The following RRAGB variants were observed in gnomAD, a reference collection of about 807,000 sequenced individuals.
The protein encoded by RRAGB is Ras related GTP binding B.
A neutral mutation model predicts 29.3 loss-of-function variants in RRAGB; 6 were observed. The observed-to-expected ratio is 0.21, with a 90% CI of 0.11 to 0.40. The LOEUF (loss-of-function observed/expected upper bound fraction) is 0.40, where lower values mean the gene tolerates loss of function less well. RRAGB is among the 10% of genes least tolerant of loss of function. RRAGB has a pLI of 1.00. For missense variants in RRAGB, 184 were observed against 272.9 expected, an observed-to-expected ratio of 0.67 and a Z score of 2.29; for synonymous variants, 101 against 92.5, an observed-to-expected ratio of 1.09 and a Z score of -0.53.
intron 3 of RRAGB, 60 bp downstream of exon 3, chrX:55,722,345 C>A: frequency 1.3e-6 from 1 of 787,548 alleles, no homozygotes; most frequent in Non-Finnish European, 1.9e-6. Context: ...ATCTGCATAA[C>A]ACACTTGGTT....
At chrX:55,737,719 C>A (rs1369395917) in intron 5 of RRAGB, among the ~76,000 whole-genome samples, 1 of 112,841 alleles carries the variant, frequency 8.9e-6, no homozygotes, top group Admixed American at 9.3e-5. Context: ...TACTGCAAAT[C>A]CTGCTGCGCA....
chrX:55,757,675 AT>A (rs1334631610), intron 9 of RRAGB, among the ~76,000 whole-genome samples: 1 of 111,951 alleles, frequency 8.9e-6, no homozygotes, highest in Non-Finnish European at 1.9e-5. Context: ...AAATCCAAGA[AT>A]TTTAAAGAAA....
chrX:55,739,594 T>C (rs1310513812), intron 5 of RRAGB, among the ~76,000 whole-genome samples: 1 of 112,016 alleles, frequency 8.9e-6, no homozygotes, highest in African/African-American at 3.2e-5. Context: ...GGAGACATTG[T>C]CTCCCCCTTT....
chrX:55,718,370 C>G lies in RRAGB; in HGVS notation c.43C>G (p.Leu15Val), dbSNP rs2033132132. Residue 15 changes from leucine to valine, a missense_variant, in exon 1 of 10, where the codon CTG (leucine) becomes GTG (valine). Leu to Val is a conservative substitution (Grantham distance 32). Coordinates refer to ENST00000374941, the MANE Select transcript of RRAGB (RefSeq NM_006064.5). ...TGAGAAAACGACGGAGAAAGAAAAT[C>G]TGGGGCCGAGAATGGATCCACCACT... The part of the protein sequence containing the change: ...DSEKTTEKEN[L>V]GPRMDPPLGE... The G allele has an allele frequency of 1.7e-6, 2 of 1,206,011 alleles. No homozygotes were observed. The highest frequency in any genetic ancestry group is 2.2e-6 in the Non-Finnish European group (2 of 892,312).
intron 3 of RRAGB, among the ~76,000 whole-genome samples, chrX:55,723,324 C>G (rs1485692820): frequency 1.8e-5 from 2 of 110,196 alleles, no homozygotes; most frequent in Admixed American, 9.7e-5. Flanking sequence ...GTATTTTTAC[C>G]AGAGATGAGG....
intron 5 of RRAGB, 25 bp downstream of exon 5, chrX:55,731,611 C>A: frequency 3.9e-6 from 4 of 1,025,823 alleles, no homozygotes; most frequent in Non-Finnish European, 5.4e-6. Flanking sequence ...AAGTGCTGCA[C>A]CAAATGCTCG....
intron 5 of RRAGB, among the ~76,000 whole-genome samples, chrX:55,745,782 A>G (rs1457716228): frequency 8.9e-6 from 1 of 112,418 alleles, no homozygotes; most frequent in Non-Finnish European, 1.9e-5. Flanking sequence ...GGATTCTGCC[A>G]GTTGTTGAGC....
intron 2 of RRAGB, among the ~76,000 whole-genome samples, chrX:55,721,100 C>A (rs1389346771): frequency 9.0e-6 from 1 of 111,154 alleles, no homozygotes; most frequent in Non-Finnish European, 1.9e-5. Context: ...TTGGACAGTT[C>A]TCACTGTCAG....
At chrX:55,729,683 C>T (rs910911081) in intron 4 of RRAGB, among the ~76,000 whole-genome samples, 8 of 111,786 alleles carry the variant, frequency 7.2e-5, no homozygotes, top group African/African-American at 2.6e-4. Context: ...TCTTAGCTGT[C>T]ACACCATACT....
chrX:55,722,027 C>T (rs748477397), intron 2 of RRAGB, among the ~76,000 whole-genome samples, 159 bp from the exon 3 acceptor site: 2 of 112,570 alleles, frequency 1.8e-5, no homozygotes, highest in South Asian at 3.7e-4. Context: ...ATTCACCCTT[C>T]GTTGGGAAGA....
intron 5 of RRAGB, among the ~76,000 whole-genome samples, chrX:55,738,617 C>T (rs962326422): frequency 6.2e-5 from 7 of 112,397 alleles, no homozygotes; most frequent in African/African-American, 1.9e-4. Flanking sequence ...GCTGAGATCA[C>T]GCAGAAGTTT....
chrX:55,722,202 A>G lies in RRAGB; in HGVS notation c.143A>G (p.Lys48Arg). The change falls in exon 3 of 10, where the codon AAA becomes AGA. Residue 48 changes from lysine to arginine, a missense_variant. By Grantham distance (26) the Lys-to-Arg change is conservative. Transcript: ENST00000374941. ...AMKKKVLLMG[K>R]SGSGKTSMRS... ...TGTCCTTAGGTGCTGTTGATGGGTA[A>G]AAGTGGGTCTGGTAAGACCAGCATG... 8.4e-7 allele frequency: 1 copy of G among 1,190,032 alleles called. No individual in the cohort carries two copies. The highest frequency in any genetic ancestry group is 1.1e-6 in the Non-Finnish European group (1 of 878,194).
chrX:55,721,980 G>T (rs1466754809), intron 2 of RRAGB, among the ~76,000 whole-genome samples: 1 of 112,680 alleles, frequency 8.9e-6, no homozygotes, highest in Admixed American at 9.3e-5. Context: ...CCTGTGACAG[G>T]TAAGTACCTG....
At chrX:55,744,981 T>C (rs1462115140) in intron 5 of RRAGB, among the ~76,000 whole-genome samples, 1 of 111,862 alleles carries the variant, frequency 8.9e-6, no homozygotes, top group Non-Finnish European at 1.9e-5. Context: ...TGCTTCTTTC[T>C]GGGTTGTAGG....
intron 5 of RRAGB, among the ~76,000 whole-genome samples, chrX:55,740,648 T>C (rs2034033327): frequency 8.9e-6 from 1 of 111,797 alleles, no homozygotes; most frequent in Non-Finnish European, 1.9e-5. Context: ...TCTTCTACTT[T>C]TGAAGTGTTG....
chrX:55,726,490 A>G, intron 3 of RRAGB, among the ~76,000 whole-genome samples: 1 of 111,767 alleles, frequency 8.9e-6, no homozygotes, highest in Non-Finnish European at 1.9e-5. Flanking sequence ...GGCTAGAAAC[A>G]GGTTGGTAAG....
intron 1 of RRAGB, among the ~76,000 whole-genome samples, chrX:55,719,019 T>G (rs1252956437): frequency 8.9e-6 from 1 of 112,341 alleles, no homozygotes; most frequent in African/African-American, 3.2e-5. Context: ...GCTGTGTTGC[T>G]TTGATTAAGA....
chrX:55,740,953 G>C (rs2034045302), intron 5 of RRAGB, among the ~76,000 whole-genome samples: 1 of 110,067 alleles, frequency 9.1e-6, no homozygotes, highest in Non-Finnish European at 1.9e-5. Flanking sequence ...TCCACTTTTT[G>C]GTGCACATCC....
intron 1 of RRAGB, among the ~76,000 whole-genome samples, chrX:55,718,861 T>C (rs1180291443): frequency 8.9e-6 from 1 of 111,836 alleles, no homozygotes; most frequent in Admixed American, 9.5e-5. Context: ...GAAGGACAGC[T>C]GAAGGACTAA....
Sources: gnomAD v4.1 joint callset for allele counts (sites outside exome capture counted in the v4.1 genomes callset) on GRCh38, gnomAD v4.1.1 for gene constraint, MANE v1.5 for transcripts, NCBI Gene and HGNC (gene_info 2026-07-23, HGNC 2026-07-21) for gene names.